RAG1: variants seen among roughly 807,000 people sequenced by gnomAD.
The protein encoded by RAG1 is V(D)J recombination-activating protein 1.
In RAG1, 35 loss-of-function variants were observed where a neutral mutation model predicts 62.7. The observed-to-expected ratio is 0.56, with a 90% CI of 0.43 to 0.74. RAG1 has a LOEUF of 0.74. Ranked by LOEUF, RAG1 falls within the 30% of genes least tolerant of loss-of-function variation. RAG1 has a pLI of 0.00. For synonymous variants in RAG1, 461 were observed against 470.3 expected, an observed-to-expected ratio of 0.98 and a Z score of 0.26; for missense variants, 1,169 against 1,278.6, an observed-to-expected ratio of 0.91 and a Z score of 1.31.
At chr11:36,565,368 A>AG (rs1850647293), upstream of RAG1, among the ~76,000 whole-genome samples, 1 of 152,274 alleles carries the variant, frequency 6.6e-6, no homozygotes, top group East Asian at 1.9e-4. Context: ...CAACCTGCTC[A>AG]GGGGGGTTGG....
downstream of RAG1, among the ~76,000 whole-genome samples, chr11:36,536,637 A>AAT (rs10648882): frequency 2.7e-5 from 4 of 149,238 alleles, no homozygotes; most frequent in Non-Finnish European, 2.9e-5. Flanking sequence ...AAGACAAATA[A>AAT]GAAGAAAAAT....
chr11:36,514,432 G>A (rs1297661062), intron 1 of RAG1, among the ~76,000 whole-genome samples: 1 of 152,208 alleles, frequency 6.6e-6, no homozygotes, highest in Non-Finnish European at 1.5e-5. Flanking sequence ...TTGGAAGACA[G>A]TTTTTCTACA....
At chr11:36,537,450 A>AT (rs1356839478), downstream of RAG1, among the ~76,000 whole-genome samples, 1 of 152,140 alleles carries the variant, frequency 6.6e-6, no homozygotes, top group Non-Finnish European at 1.5e-5. Flanking sequence ...ATCAATTTAT[A>AT]TTTTTTTAAT....
chr11:36,531,478 A>C (rs917397008), intron 2 of RAG1, among the ~76,000 whole-genome samples: 1 of 151,762 alleles, frequency 6.6e-6, no homozygotes. Context: ...GTCTTTTTGT[A>C]TAGATTTTTA....
At chr11:36,557,534 C>T (rs997136582) in intron 3 of RAG1, among the ~76,000 whole-genome samples, 2 of 151,276 alleles carry the variant, frequency 1.3e-5, no homozygotes, top group Non-Finnish European at 2.9e-5. Flanking sequence ...GACAGGAACC[C>T]GGTACCTCAG....
intron 1 of RAG1, among the ~76,000 whole-genome samples, chr11:36,571,087 A>C (rs576902121): frequency 6.6e-6 from 1 of 152,252 alleles, no homozygotes; most frequent in South Asian, 2.1e-4. Flanking sequence ...AAATAAATGT[A>C]GTTTGGTAGA....
At chr11:36,533,932 T>C (rs2133258252) in intron 2 of RAG1, among the ~76,000 whole-genome samples, 1 of 152,204 alleles carries the variant, frequency 6.6e-6, no homozygotes, top group East Asian at 1.9e-4. Flanking sequence ...TATTACTTTT[T>C]TCAGGTTTTG....
intron 1 of RAG1, among the ~76,000 whole-genome samples, chr11:36,516,682 C>T (rs1349972031): frequency 6.6e-6 from 1 of 152,218 alleles, no homozygotes; most frequent in Non-Finnish European, 1.5e-5. Flanking sequence ...TAAGTACTAC[C>T]TTATGAATTC....
rs201313833 is a variant in RAG1, at chr11:36,575,909, G to C, written c.2605G>C (p.Val869Leu). The change falls in exon 2 of 2, where the codon GTT becomes CTT. Residue 869 changes from valine to leucine, a missense_variant. By Grantham distance (32) the Val-to-Leu change is conservative (BLOSUM62 1). Around this residue, in one of 2 missense-constraint regions of RAG1, gnomAD observed 800 missense variants for 943.3 expected, o/e 0.85. Coordinates refer to ENST00000299440, the MANE Select transcript of RAG1 (RefSeq NM_000448.3). This position sits in a 1 kb window ranked among gnomAD's most constrained non-coding sequence, Gnocchi z 4.1. The stretch of plus-strand genomic sequence containing the variant: ...CATGACCAAAGAGACTGTGGATGCA[G>C]TTTGTGAGTTAATTCCTTCCGAGGA... ...KLMTKETVDA[V>L]CELIPSEERH... The C allele has an allele frequency of 1.2e-6, 2 of 1,614,192 alleles. No homozygotes were observed. Among genetic ancestry groups the C allele is most frequent in the Non-Finnish European group, 1.7e-6 (2 of 1,180,048 alleles).
chr11:36,520,297 C>G (rs1376334865), intron 2 of RAG1: 1 of 151,938 alleles, frequency 6.6e-6, no homozygotes, highest in Non-Finnish European at 1.5e-5. Flanking sequence ...TAGACAAAGT[C>G]TTGCTCTGTT....
downstream of RAG1, among the ~76,000 whole-genome samples, chr11:36,536,377 T>G (rs1860326845): frequency 6.6e-6 from 1 of 152,052 alleles, no homozygotes; most frequent in Non-Finnish European, 1.5e-5. Context: ...AGAAAAAAAA[T>G]TTATTGCTCT....
exon 3 of RAG1, chr11:36,536,009 T>C (rs556199757): frequency 1.3e-5 from 2 of 152,342 alleles, no homozygotes; most frequent in South Asian, 4.1e-4. Flanking sequence ...TATCAAGTTC[T>C]CTTTCTTTCC....
In RAG1 at chr11:36,575,615, T is replaced by C. The variant is rs377690758; in HGVS notation, c.2311T>C (p.Ser771Pro). 1 of 1,614,046 alleles carries C rather than the reference T, an allele frequency of 6.2e-7. No individual in the cohort carries two copies. The highest frequency in any genetic ancestry group is 8.5e-7 in the Non-Finnish European group (1 of 1,180,006). The change falls in exon 2 of 2, where the codon TCT (serine) becomes CCT (proline). Residue 771 changes from serine (S) to proline (P), a missense_variant. By Grantham distance (74) the Ser-to-Pro change is moderately conservative (BLOSUM62 -1). Transcript: ENST00000299440. The surrounding 1 kb of genome is among the most constrained non-coding windows in gnomAD (Gnocchi z 4.1). ...EVWRSNPYHE[S>P]VEELRDRVKG... ...CTGGCGTTCCAACCCTTACCATGAG[T>C]CTGTGGAAGAACTGCGGGATCGGGT... is the stretch of plus-strand genomic sequence containing the variant.
Position 36,574,571 on chromosome 11 carries a change from G to A in RAG1, c.1267G>A (p.Asp423Asn). The A allele has an allele frequency of 1.9e-6, 3 of 1,614,246 alleles. No individual in the cohort carries two copies. ...CAAGCTGCAAGTCAAAGCCTTTGCTGACAAAGAAGAAGGTGGAGATGTGAA... is the reference window on the plus strand; with the variant it reads ...CAAGCTGCAAGTCAAAGCCTTTGCTAACAAAGAAGAAGGTGGAGATGTGAA... ...ELKLQVKAFADKEEGGDVKSV... is the reference protein window; with the variant it reads ...ELKLQVKAFANKEEGGDVKSV... The change falls in exon 2 of 2, where the codon GAC becomes AAC. Residue 423 changes from aspartate (D) to asparagine (N), a missense_variant. Transcript: ENST00000299440.
intron 3 of RAG1, among the ~76,000 whole-genome samples, chr11:36,547,147 A>G (rs562339965): frequency 2.0e-5 from 3 of 152,268 alleles, no homozygotes; most frequent in African/African-American, 7.2e-5. Context: ...AGAGAAATTT[A>G]TAACACTAAA....
intron 2 of RAG1, among the ~76,000 whole-genome samples, chr11:36,526,696 C>T (rs916568842): frequency 4.6e-5 from 7 of 152,178 alleles, no homozygotes; most frequent in Non-Finnish European, 8.8e-5. Flanking sequence ...ACACTCCCAC[C>T]AACAGTGTAA....
Position 36,574,950 on chromosome 11 carries a change from A to G in RAG1, c.1646A>G (p.Asp549Gly). Residue 549 changes from aspartate (D) to glycine (G), a missense_variant, in exon 2 of 2, where the codon GAT (aspartate) becomes GGT (glycine). By Grantham distance (94) the Asp-to-Gly change is moderately conservative. Transcript: ENST00000299440. The stretch of plus-strand genomic sequence containing the variant: ...CTGTCTGGACTATCATCCTCTGTGG[A>G]TGATTACCCAGTGGACACCATTGCA... ...DGLSGLSSSV[D>G]DYPVDTIAKR... 1 of 1,614,166 alleles carries G rather than the reference A, an allele frequency of 6.2e-7. No homozygotes were observed. Among genetic ancestry groups the G allele is most frequent in the Non-Finnish European group, 8.5e-7 (1 of 1,180,032 alleles).
rs961621218 is a variant in RAG1 at position 36,578,395 on chromosome 11, A to G, written c.*1959A>G. Reference sequence around the variant, plus strand: ...TCTTGGTTTTGTTTTTTTGGAAATGAGTGGGCCACTAAGCCACACTTTCCC... The same window carrying G: ...TCTTGGTTTTGTTTTTTTGGAAATGGGTGGGCCACTAAGCCACACTTTCCC... On this transcript the variant is annotated 3_prime_UTR_variant, in exon 2 of 2. Coordinates refer to ENST00000299440, the MANE Select transcript of RAG1 (RefSeq NM_000448.3). 1.8e-5 allele frequency: 3 copies of G among 166,390 alleles called. No individual in the cohort carries two copies. The highest frequency in any genetic ancestry group is 6.5e-5 in the Admixed American group (1 of 15,280). 10.3% of individuals were successfully genotyped at this position (166,390 alleles called of 1,614,324 possible).
At chr11:36,548,475 A>G (rs1156455826) in intron 3 of RAG1, among the ~76,000 whole-genome samples, 1 of 152,218 alleles carries the variant, frequency 6.6e-6, no homozygotes, top group Non-Finnish European at 1.5e-5. Flanking sequence ...CTATACAGCA[A>G]TAATAGACAA....
Sources: gnomAD v4.1 joint callset for allele counts (sites outside exome capture counted in the v4.1 genomes callset) on GRCh38, gnomAD v4.1.1 for gene constraint, gnomAD v4.1.1 regional missense constraint, Gnocchi (gnomAD v3.1) non-coding constraint, MANE v1.5 for transcripts, NCBI Gene and HGNC (gene_info 2026-07-23, HGNC 2026-07-21) for gene names.